The following TENM2 variants were observed in gnomAD, a reference collection of about 807,000 sequenced individuals.
TENM2 encodes the protein teneurin-2.
Under a neutral mutation model 245.2 loss-of-function variants are expected in TENM2, and 52 were observed. That is an observed-to-expected ratio of 0.21 (90% confidence interval 0.17 to 0.27). The LOEUF (loss-of-function observed/expected upper bound fraction) is 0.27, where lower values mean the gene tolerates loss of function less well. TENM2 is among the 10% of genes least tolerant of loss of function. The pLI, the probability that TENM2 is intolerant of heterozygous loss-of-function variation, is 1.00. For synonymous variants in TENM2, 1,363 were observed against 1,438.9 expected, an observed-to-expected ratio of 0.95 and a Z score of 1.19; for missense variants, 3,046 against 3,666.8, an observed-to-expected ratio of 0.83 and a Z score of 4.37.
intron 10 of TENM2, among the ~76,000 whole-genome samples, chr5:168,120,666 G>A (rs2617974): frequency 0.76 from 115,881 of 152,150 alleles, 44,392 homozygotes; most frequent in East Asian, 1. Context: ...AATCTCCTCC[G>A]TTGATTTCTG....
intron 2 of TENM2, among the ~76,000 whole-genome samples, chr5:167,637,290 G>A (rs938111466): frequency 6.6e-6 from 1 of 152,144 alleles, no homozygotes; most frequent in Non-Finnish European, 1.5e-5. Flanking sequence ...AGTAAAGCAA[G>A]CCTGTTTATC....
chr5:167,607,268 G>T (rs1026278097), intron 2 of TENM2, among the ~76,000 whole-genome samples: 3 of 152,138 alleles, frequency 2.0e-5, no homozygotes, highest in African/African-American at 7.2e-5. Flanking sequence ...GGAAAACAGA[G>T]ACTGAATGCC....
chr5:167,467,600 T>C (rs1766750223), intron 2 of TENM2, among the ~76,000 whole-genome samples: 2 of 152,022 alleles, frequency 1.3e-5, no homozygotes. Context: ...TAGAAGCCCT[T>C]CTAAATTTCA....
chr5:167,928,960 G>T lies in TENM2; in HGVS notation c.713-23628G>T, dbSNP rs181887702. On this transcript the variant is annotated intron_variant, in intron 3 of 28. Transcript: ENST00000518659. ...AGAAAGAAAAAGAAAAGAAATAAAA[G>T]AAATAAAGGGAGGAAGGAAGGGAGG... 1.2e-3 allele frequency among the ~76,000 whole-genome samples: 147 copies of T among 119,422 alleles called. 1 individual carries two copies. In the East Asian group the frequency reaches 0.02, roughly 17 times the overall value. The allele number at this position is 119,422 out of a possible 152,430, so 78.3% of individuals were successfully genotyped here. A position where few individuals can be genotyped will look rare whatever the true frequency, so the allele number is the denominator to read the frequency against.
chr5:167,757,053 T>C (rs1209370196), intron 2 of TENM2, among the ~76,000 whole-genome samples: 1 of 149,988 alleles, frequency 6.7e-6, no homozygotes, highest in African/African-American at 2.4e-5. Flanking sequence ...TTTATTATAT[T>C]TTTAAATTTT....
rs1762063526 is a variant in TENM2, at chr5:168,203,088, C to A, written c.3431-601C>A. ...GCAAATGCAGGATTTTTAAAAACAG[C>A]TTTTGGATTCTGTTCCCCATTGAAT... On this transcript the variant is annotated intron_variant, in intron 17 of 28. Coordinates refer to ENST00000518659, the Ensembl canonical transcript of TENM2. Among the ~76,000 whole-genome samples, 3 of 152,160 alleles carry A rather than the reference C, an allele frequency of 2.0e-5. No homozygotes were observed. In the South Asian group the frequency reaches 6.2e-4, roughly 32 times the overall value.
At chr5:167,217,784 G>C in the TENM2 span, among the ~76,000 whole-genome samples, 3 of 150,240 alleles carry the variant, frequency 2.0e-5, no homozygotes, top group Admixed American at 2.0e-4. Context: ...AGAAAGAGAG[G>C]TGAGTGGAGA....
At chr5:167,423,886 C>A (rs1360297666) in intron 2 of TENM2, among the ~76,000 whole-genome samples, 1 of 152,128 alleles carries the variant, frequency 6.6e-6, no homozygotes, top group Non-Finnish European at 1.5e-5. Context: ...CCACTGGAGA[C>A]CATCGACCAT....
chr5:167,910,968 C>A (rs1370375044), intron 3 of TENM2, among the ~76,000 whole-genome samples: 5 of 151,978 alleles, frequency 3.3e-5, no homozygotes, highest in African/African-American at 1.2e-4. Flanking sequence ...GTTAAACAAA[C>A]CCTAGGAAAA....
intron 4 of TENM2, among the ~76,000 whole-genome samples, chr5:167,988,348 G>A (rs1234322945): frequency 5.9e-5 from 9 of 152,164 alleles, no homozygotes; most frequent in Admixed American, 3.3e-4. Context: ...AGGATGCGGC[G>A]TGAACAAAAT....
chr5:167,823,901 G>A (rs1020148469), intron 2 of TENM2, among the ~76,000 whole-genome samples: 1 of 152,168 alleles, frequency 6.6e-6, no homozygotes, highest in Non-Finnish European at 1.5e-5. Context: ...ATGGTAGGTT[G>A]GACGGCCTCT....
At chr5:167,706,561 G>T (rs1299732636) in intron 2 of TENM2, among the ~76,000 whole-genome samples, 3 of 151,864 alleles carry the variant, frequency 2.0e-5, no homozygotes, top group Non-Finnish European at 4.4e-5. Context: ...GAACATGGGA[G>T]CACAAATATC....
At chr5:167,872,351 AAAGG>A (rs1258522739) in intron 2 of TENM2, among the ~76,000 whole-genome samples, 7 of 139,578 alleles carry the variant, frequency 5.0e-5, no homozygotes, top group African/African-American at 5.6e-5. Context: ...AGAAAGAAAG[AAAGG>A]AAAGAGAAGG....
intron 2 of TENM2, among the ~76,000 whole-genome samples, chr5:167,440,465 TTA>T (rs1421959310): frequency 6.6e-6 from 1 of 152,156 alleles, no homozygotes; most frequent in Non-Finnish European, 1.5e-5. Context: ...GTCACATTGG[TTA>T]TTAATATAGG....
the TENM2 span, among the ~76,000 whole-genome samples, chr5:167,102,245 C>T: frequency 2.0e-5 from 3 of 151,678 alleles, no homozygotes; most frequent in Non-Finnish European, 4.4e-5. Flanking sequence ...AAAAATTAAA[C>T]ATTTATACAT....
At chr5:167,610,426 C>G (rs1374700703) in intron 2 of TENM2, among the ~76,000 whole-genome samples, 1 of 152,098 alleles carries the variant, frequency 6.6e-6, no homozygotes, top group African/African-American at 2.4e-5. Flanking sequence ...AGTCTCAACC[C>G]TCTAATCATG....
the TENM2 span, among the ~76,000 whole-genome samples, chr5:167,175,001 T>G: frequency 6.6e-6 from 1 of 152,144 alleles, no homozygotes; most frequent in African/African-American, 2.4e-5. Flanking sequence ...TGGTAGTATC[T>G]TTTTCTTTTT....
At chr5:167,565,201 A>G (rs1029667725) in intron 2 of TENM2, among the ~76,000 whole-genome samples, 2 of 152,200 alleles carry the variant, frequency 1.3e-5, no homozygotes, top group African/African-American at 4.8e-5. Context: ...GCTTCCAGGG[A>G]TTGGTGATGG....
At chr5:167,848,787 CT>C (rs1272496227) in intron 2 of TENM2, among the ~76,000 whole-genome samples, 6 of 152,144 alleles carry the variant, frequency 3.9e-5, no homozygotes, top group African/African-American at 1.4e-4. Flanking sequence ...GGTTGGTTTC[CT>C]TGATGAAAAA....
Sources: gnomAD v4.1 joint callset for allele counts (sites outside exome capture counted in the v4.1 genomes callset) on GRCh38, gnomAD v4.1.1 for gene constraint, MANE v1.5 for transcripts, NCBI Gene and HGNC (gene_info 2026-07-23, HGNC 2026-07-21) for gene names.